Variants in PKNOX2 observed in about 807,000 individuals in gnomAD.
PKNOX2 encodes PBX/knotted 1 homeobox 2, also known as homeobox protein PKNOX2.
Under a neutral mutation model 53.1 loss-of-function variants are expected in PKNOX2, and 14 were observed. The ratio of observed to expected loss-of-function variants is 0.26; its 90% CI spans 0.17 to 0.41. The LOEUF (loss-of-function observed/expected upper bound fraction) is 0.41. Ranked by LOEUF, PKNOX2 falls within the 10% of genes least tolerant of loss-of-function variation. PKNOX2 has a pLI of 1.00. For missense variants in PKNOX2, 496 were observed against 602.8 expected (o/e 0.82, Z 1.85); for synonymous variants, 257 against 242.8 (o/e 1.06, Z -0.54).
At chr11:125,167,842 C>T (rs537073050) in intron 1 of PKNOX2, among the ~76,000 whole-genome samples, 3 of 152,238 alleles carry the variant, frequency 2.0e-5, no homozygotes, top group South Asian at 4.2e-4. Context: ...TCCCACATGG[C>T]AGAGCTTGGG....
intron 6 of PKNOX2, among the ~76,000 whole-genome samples, chr11:125,386,255 G>C (rs1217694573): frequency 1.3e-5 from 2 of 152,180 alleles, no homozygotes; most frequent in African/African-American, 4.8e-5. Flanking sequence ...AACCTAATTT[G>C]TCAACTAGAG....
intron 2 of PKNOX2, chr11:125,239,565 T>G (rs1942992094): frequency 6.6e-6 from 1 of 152,238 alleles, no homozygotes; most frequent in Non-Finnish European, 1.5e-5. Context: ...ATCTTCCCAT[T>G]ACCTTTGTGA....
intron 4 of PKNOX2, among the ~76,000 whole-genome samples, chr11:125,354,112 A>G (rs1350591486): frequency 6.6e-6 from 1 of 152,200 alleles, no homozygotes; most frequent in Non-Finnish European, 1.5e-5. Flanking sequence ...CACTTTCTGC[A>G]AACTTGCATT....
At chr11:125,384,222 A>G (rs1953459617) in intron 5 of PKNOX2, among the ~76,000 whole-genome samples, 1 of 152,236 alleles carries the variant, frequency 6.6e-6, no homozygotes, top group Admixed American at 6.5e-5. Flanking sequence ...CTTTGGACAT[A>G]TAGTGATAAA....
intron 2 of PKNOX2, among the ~76,000 whole-genome samples, chr11:125,304,424 C>T (rs1441776445): frequency 6.6e-6 from 1 of 152,200 alleles, no homozygotes; most frequent in Non-Finnish European, 1.5e-5. Flanking sequence ...AGGGGGTCCC[C>T]AGGAGCCAGC....
rs1956199889 is a variant in PKNOX2 at position 125,422,045 on chromosome 11, A to T, written c.937-6967A>T. On this transcript the variant is annotated intron_variant, in intron 10 of 12. Coordinates refer to ENST00000298282, the MANE Select transcript of PKNOX2 (RefSeq NM_001382323.2). The surrounding 1 kb of genome is among the most constrained non-coding windows in gnomAD (Gnocchi z 4.1). ...GCCTTATGAAGGATGGCTAGGATTTAGGATTGGGTAGGAAGAGAAAAAGGA... is the reference window on the plus strand; with the variant it reads ...GCCTTATGAAGGATGGCTAGGATTTTGGATTGGGTAGGAAGAGAAAAAGGA... Among the ~76,000 whole-genome samples, 1 of 152,190 alleles carries T rather than the reference A, an allele frequency of 6.6e-6. No homozygotes were observed.
intron 1 of PKNOX2, among the ~76,000 whole-genome samples, chr11:125,186,599 C>A (rs530331813): frequency 3.3e-5 from 5 of 152,318 alleles, no homozygotes; most frequent in African/African-American, 1.2e-4. Flanking sequence ...CTACAATGAG[C>A]TGTGATTGCA....
chr11:125,374,879 C>A (rs988224070), intron 5 of PKNOX2, among the ~76,000 whole-genome samples: 1 of 151,494 alleles, frequency 6.6e-6, no homozygotes, highest in African/African-American at 2.4e-5. Flanking sequence ...CGGGTCTGTC[C>A]CCCTTACAAG....
At chr11:125,173,552 T>G (rs1345591064) in intron 1 of PKNOX2, among the ~76,000 whole-genome samples, 2 of 152,226 alleles carry the variant, frequency 1.3e-5, no homozygotes, top group Non-Finnish European at 2.9e-5. Context: ...CCTCCATTAC[T>G]CGAATCTTTG....
chr11:125,398,613 C>G (rs1455531332), intron 7 of PKNOX2, among the ~76,000 whole-genome samples: 1 of 152,246 alleles, frequency 6.6e-6, no homozygotes, highest in Non-Finnish European at 1.5e-5. Flanking sequence ...TCAAGGTCAC[C>G]TCAAACCACC....
At chr11:125,187,093 C>T in intron 1 of PKNOX2, among the ~76,000 whole-genome samples, 1 of 152,152 alleles carries the variant, frequency 6.6e-6, no homozygotes, top group Non-Finnish European at 1.5e-5. Flanking sequence ...ATACCAGTAT[C>T]ATGTTGTTTT....
intron 4 of PKNOX2, among the ~76,000 whole-genome samples, chr11:125,363,899 A>G (rs779804015): frequency 3.9e-5 from 6 of 152,226 alleles, no homozygotes; most frequent in Non-Finnish European, 8.8e-5. Flanking sequence ...GCATTTGCCA[A>G]TTTCCATGGT....
chr11:125,369,544 GC>G (rs1348450645), intron 5 of PKNOX2, among the ~76,000 whole-genome samples: 2 of 152,122 alleles, frequency 1.3e-5, no homozygotes, highest in Admixed American at 1.3e-4. Context: ...ATCTCTCCAG[GC>G]ACCGATAGAC....
chr11:125,344,870 C>G (rs7113696), intron 3 of PKNOX2, among the ~76,000 whole-genome samples: 5 of 151,954 alleles, frequency 3.3e-5, no homozygotes, highest in African/African-American at 1.2e-4. Flanking sequence ...GACCTCTTAG[C>G]TGGCCTTCAG....
intron 2 of PKNOX2, among the ~76,000 whole-genome samples, chr11:125,322,137 T>C (rs571182583): frequency 3.4e-4 from 52 of 152,154 alleles, no homozygotes; most frequent in African/African-American, 1.2e-3. Flanking sequence ...AGGAGAGTCA[T>C]AGGCTAGAAG....
intron 6 of PKNOX2, among the ~76,000 whole-genome samples, chr11:125,394,685 T>C (rs1954276163): frequency 6.6e-6 from 1 of 152,214 alleles, no homozygotes; most frequent in African/African-American, 2.4e-5. Flanking sequence ...CAAACTCTCC[T>C]CTAGGCATCC....
chr11:125,332,914 G>C (rs566522803), intron 3 of PKNOX2, among the ~76,000 whole-genome samples: 1 of 152,120 alleles, frequency 6.6e-6, no homozygotes, highest in Admixed American at 6.5e-5. Context: ...AACAATGCTC[G>C]TCCTTCTTCC....
At chr11:125,226,022 GCCT>G (rs1941654325) in intron 1 of PKNOX2, among the ~76,000 whole-genome samples, 1 of 152,204 alleles carries the variant, frequency 6.6e-6, no homozygotes, top group Admixed American at 6.5e-5. Flanking sequence ...GTGGCAACTT[GCCT>G]CCTCCTTTCT....
intron 4 of PKNOX2, among the ~76,000 whole-genome samples, chr11:125,366,230 TC>T (rs1952182998): frequency 6.6e-6 from 1 of 152,204 alleles, no homozygotes; most frequent in African/African-American, 2.4e-5. Flanking sequence ...ACAGTAGGAC[TC>T]AAGCAATTGT....
Sources: gnomAD v4.1 joint callset for allele counts (sites outside exome capture counted in the v4.1 genomes callset) on GRCh38, gnomAD v4.1.1 for gene constraint, Gnocchi (gnomAD v3.1) non-coding constraint, MANE v1.5 for transcripts, NCBI Gene and HGNC (gene_info 2026-07-23, HGNC 2026-07-21) for gene names.